Variants in WDR48 observed in about 807,000 individuals in gnomAD.
The protein encoded by WDR48 is WD repeat-containing protein 48.
A neutral mutation model predicts 94.0 loss-of-function variants in WDR48; 22 were observed. That is an observed-to-expected ratio of 0.23 (90% CI 0.17 to 0.33). The LOEUF (loss-of-function observed/expected upper bound fraction) is 0.33, where lower values mean the gene tolerates loss of function less well. Ranked by LOEUF, WDR48 falls within the 10% of genes least tolerant of loss-of-function variation. The pLI, the probability that WDR48 is intolerant of heterozygous loss-of-function variation, is 1.00. For missense variants in WDR48, 541 were observed against 813.8 expected (o/e 0.66, Z 4.08); for synonymous variants, 278 against 280.5 (o/e 0.99, Z 0.09).
At chr3:39,090,228 G>C (rs928048808) in intron 16 of WDR48, 2 of 152,086 alleles carry the variant, frequency 1.3e-5, no homozygotes, top group Non-Finnish European at 2.9e-5. Context: ...TTAATAGTGA[G>C]GTTAAGCATC....
At chr3:39,053,252 A>G (rs1043344249) in intron 1 of WDR48, among the ~76,000 whole-genome samples, 2 of 152,210 alleles carry the variant, frequency 1.3e-5, no homozygotes, top group African/African-American at 2.4e-5. Context: ...ACAGCATTAT[A>G]TGGAGTTCTG....
At chr3:39,068,922 A>G (rs2062956789) in intron 6 of WDR48, 63 bp downstream of exon 6, 3 of 1,240,282 alleles carry the variant, frequency 2.4e-6, no homozygotes, top group South Asian at 3.0e-5. Flanking sequence ...CTTGTCTCCT[A>G]TTTTTTAAGC....
chr3:39,075,390 G>A (rs2034167468), intron 8 of WDR48, among the ~76,000 whole-genome samples: 1 of 152,068 alleles, frequency 6.6e-6, no homozygotes, highest in South Asian at 2.1e-4. Context: ...TCTGTGAGCA[G>A]ACAACAAAGC....
intron 1 of WDR48, among the ~76,000 whole-genome samples, chr3:39,054,291 A>G (rs2032703042): frequency 6.6e-6 from 1 of 152,234 alleles, no homozygotes; most frequent in South Asian, 2.1e-4. Context: ...TTGAAATTTC[A>G]TCTGGATAAT....
rs757265556 is a variant in WDR48, at chr3:39,094,586, T to C, written c.1939-62T>C. 1.9e-6 allele frequency: 3 copies of C among 1,601,836 alleles called. No individual in the cohort carries two copies. The African/African-American group carries it at 4.0e-5, about 21-fold the overall frequency. ...GATCACCTGATGAGAGTCCCTGAGT[T>C]AATGATAAGGTTTTAGATATTAGAG... On this transcript the variant is annotated intron_variant, in intron 18 of 18. Transcript: ENST00000302313.
chr3:39,088,182 C>T lies in WDR48; in HGVS notation c.1529C>T (p.Pro510Leu). The part of the protein sequence containing the change: ...VQKGNGYFQV[P>L]PHTPVIFGEA... ...AAGGGAAATGGATATTTTCAAGTGC[C>T]CCCACATACACCCGTGATCTTTGGT... The change falls in exon 15 of 19, where the codon CCC becomes CTC. Residue 510 changes from proline to leucine, a missense_variant. Pro to Leu is a moderately conservative substitution (Grantham distance 98). This residue lies in a region of WDR48 where 238 missense variants were observed against 285.3 expected (regional missense o/e 0.83). Transcript: ENST00000302313. 6.2e-7 allele frequency: 1 copy of T among 1,614,110 alleles called. No homozygotes were observed. Among genetic ancestry groups the T allele is most frequent in the Non-Finnish European group, 8.5e-7 (1 of 1,180,032 alleles).
At position 39,063,536 on chromosome 3, in the gene WDR48, T is replaced by TA. The variant is rs200823410; in HGVS notation, c.189+353dup. On this transcript the variant is annotated intron_variant, in intron 2 of 18. Transcript: ENST00000302313. ...CCCAACAACCTCTTGGTAACCTTAC[T>TA]AAAAAAAGATTGAATATTCTTTTAC... Among the ~76,000 whole-genome samples, 1,166 of 152,242 alleles carry TA rather than the reference T, an allele frequency of 7.7e-3. 13 individuals carry two copies. The highest frequency in any genetic ancestry group is 0.027 in the African/African-American group (1,108 of 41,526).
intron 15 of WDR48, 72 bp downstream of exon 15, chr3:39,088,305 C>T: frequency 7.1e-7 from 1 of 1,409,480 alleles, no homozygotes; most frequent in Non-Finnish European, 1.0e-6. Context: ...GACTCAAACT[C>T]AGTATTTCGA....
chr3:39,063,262 T>C (rs2033387411), intron 2 of WDR48, 72 bp downstream of exon 2: 3 of 1,552,202 alleles, frequency 1.9e-6, no homozygotes, highest in Admixed American at 1.8e-5. Flanking sequence ...TATGACACTT[T>C]TCACAGTTTC....
intron 18 of WDR48, 183 bp from the exon 19 acceptor site, chr3:39,094,465 A>G: frequency 6.5e-7 from 1 of 1,534,198 alleles, no homozygotes; most frequent in East Asian, 2.4e-5. Flanking sequence ...GTCACAAAAG[A>G]TGTACATCTC....
intron 7 of WDR48, among the ~76,000 whole-genome samples, chr3:39,073,454 C>A (rs1179286027): frequency 1.3e-5 from 2 of 152,114 alleles, no homozygotes; most frequent in African/African-American, 4.8e-5. Flanking sequence ...TCCTGAAGGC[C>A]TCATGTATTT....
intron 1 of WDR48, among the ~76,000 whole-genome samples, chr3:39,052,795 G>A (rs1031857833): frequency 6.6e-6 from 1 of 152,094 alleles, no homozygotes; most frequent in African/African-American, 2.4e-5. Context: ...TTATGCCTTT[G>A]TGAATTCACT....
intron 18 of WDR48, 47 bp from the exon 19 acceptor site, chr3:39,094,601 A>C: frequency 6.2e-7 from 1 of 1,610,928 alleles, no homozygotes; most frequent in Non-Finnish European, 8.5e-7. Context: ...ATAAGGTTTT[A>C]GATATTAGAG....
chr3:39,093,837 T>C, intron 17 of WDR48, 37 bp from the exon 18 acceptor site: 1 of 1,468,230 alleles, frequency 6.8e-7, no homozygotes, highest in South Asian at 1.5e-5. Flanking sequence ...ATCTAGTGAT[T>C]TCCCTGATGT....
intron 5 of WDR48, among the ~76,000 whole-genome samples, chr3:39,068,320 C>T (rs531180557): frequency 6.6e-6 from 1 of 152,138 alleles, no homozygotes; most frequent in African/African-American, 2.4e-5. Flanking sequence ...GAATTCCTTC[C>T]TGAAAGGTTG....
chr3:39,067,022 A>G, intron 5 of WDR48, 147 bp downstream of exon 5: 2 of 926,244 alleles, frequency 2.2e-6, no homozygotes, highest in Non-Finnish European at 3.2e-6. Flanking sequence ...GGCCCCCAAG[A>G]GTATGATTGA....
intron 8 of WDR48, 62 bp downstream of exon 8, chr3:39,075,012 G>T: frequency 2.7e-6 from 4 of 1,498,342 alleles, no homozygotes; most frequent in South Asian, 1.2e-5. Context: ...TAGCCAAATA[G>T]AGCAAAAGCT....
chr3:39,072,439 C>T (rs9683184), intron 7 of WDR48, among the ~76,000 whole-genome samples: 10,551 of 152,152 alleles, frequency 0.069, 1,169 homozygotes, highest in African/African-American at 0.23. Context: ...AGCATCAGGC[C>T]ACTTATTGCC....
Position 39,075,177 on chromosome 3 carries a change from C to T in WDR48, c.897+227C>T, listed in dbSNP as rs986524107. Among the ~76,000 whole-genome samples, 70 of 133,456 alleles carry T rather than the reference C, an allele frequency of 5.2e-4. 1 individual carries two copies. Among genetic ancestry groups the T allele is most frequent in the African/African-American group, 1.9e-3 (68 of 35,296 alleles). 87.6% of individuals were successfully genotyped at this position (133,456 alleles called of 152,430 possible). On this transcript the variant is annotated intron_variant, in intron 8 of 18. Transcript: ENST00000302313. ...GATACTCTGGGTCAGTTCTGGGGCA[C>T]TTTTGTGTTTTGCTTTTTTTTTTTT...
Sources: gnomAD v4.1 joint callset for allele counts (sites outside exome capture counted in the v4.1 genomes callset) on GRCh38, gnomAD v4.1.1 for gene constraint, gnomAD v4.1.1 regional missense constraint, MANE v1.5 for transcripts, NCBI Gene and HGNC (gene_info 2026-07-23, HGNC 2026-07-21) for gene names.